The following MPPED1 variants were observed in gnomAD, a reference collection of about 807,000 sequenced individuals.
The protein encoded by MPPED1 is metallophosphoesterase domain containing 1.
In MPPED1, 16 loss-of-function variants were observed where a neutral mutation model predicts 36.2. The ratio of observed to expected loss-of-function variants is 0.44; its 90% CI spans 0.30 to 0.67. The LOEUF (loss-of-function observed/expected upper bound fraction) is 0.67, where lower values mean the gene tolerates loss of function less well. Ranked by LOEUF, MPPED1 falls within the 30% of genes least tolerant of loss-of-function variation. The probability of loss-of-function intolerance (pLI) is 0.10; values close to 1 mark genes in which losing one functional copy is unlikely to be tolerated. For synonymous variants in MPPED1, 199 were observed against 191.3 expected (o/e 1.04, Z -0.33); for missense variants, 307 against 453.4 (o/e 0.68, Z 2.93).
chr22:43,466,911 G>T (rs368013242), intron 3 of MPPED1, among the ~76,000 whole-genome samples: 1 of 152,184 alleles, frequency 6.6e-6, no homozygotes, highest in East Asian at 1.9e-4. Context: ...GCCAGGCATG[G>T]TGGAGCGTGG....
intron 4 of MPPED1, among the ~76,000 whole-genome samples, chr22:43,482,533 T>A (rs1293434373): frequency 1.3e-5 from 2 of 152,184 alleles, no homozygotes; most frequent in East Asian, 1.9e-4. Context: ...GGAATACACA[T>A]CCTGGTACGT....
intron 4 of MPPED1, among the ~76,000 whole-genome samples, chr22:43,481,086 G>A (rs1602001591): frequency 1.3e-5 from 2 of 152,280 alleles, no homozygotes; most frequent in South Asian, 4.1e-4. Context: ...GCCTCCCAGA[G>A]TGCTGGGATT....
At chr22:43,415,912 T>C (rs1929063210) in intron 1 of MPPED1, among the ~76,000 whole-genome samples, 1 of 152,196 alleles carries the variant, frequency 6.6e-6, no homozygotes, top group South Asian at 2.1e-4. Context: ...CCAGGCTAAT[T>C]TCATCACTTC....
At chr22:43,499,837 A>G (rs867245978) in intron 5 of MPPED1, among the ~76,000 whole-genome samples, 52 of 10,012 alleles carry the variant, frequency 5.2e-3, no homozygotes, top group Non-Finnish European at 6.6e-3. Context: ...ATGGTGATGG[A>G]GGTGGTGGTG....
chr22:43,480,764 CT>C (rs1477961788), intron 4 of MPPED1, among the ~76,000 whole-genome samples: 2 of 150,946 alleles, frequency 1.3e-5, no homozygotes, highest in Non-Finnish European at 2.9e-5. Flanking sequence ...CTTTTGGTAC[CT>C]TATTGCAGAG....
intron 4 of MPPED1, among the ~76,000 whole-genome samples, chr22:43,488,829 C>A (rs143674966): frequency 6.6e-6 from 1 of 152,236 alleles, no homozygotes; most frequent in Non-Finnish European, 1.5e-5. Flanking sequence ...AATTCGCATC[C>A]GTCCGCCCTC....
rs1177860910 is a variant in MPPED1, at chr22:43,507,379, C to T, written c.*1763C>T. 1.3e-5 allele frequency: 2 copies of T among 152,188 alleles called. No individual in the cohort carries two copies. The highest frequency in any genetic ancestry group is 6.5e-5 in the Admixed American group (1 of 15,274). The allele number at this position is 152,188 out of a possible 1,614,324, so 9.4% of individuals were successfully genotyped here. ...TCTGCCCACACTGAGCTGGGCTCCT[C>T]GAGGGGTGGGGCTGCTGTCCCTGGA... is the stretch of plus-strand genomic sequence containing the variant. On this transcript the variant is annotated 3_prime_UTR_variant, in exon 7 of 7. Transcript: ENST00000443721.
chr22:43,445,879 C>CTT (rs1930323306), intron 3 of MPPED1, among the ~76,000 whole-genome samples: 5 of 35,454 alleles, frequency 1.4e-4, no homozygotes, highest in East Asian at 7.3e-4. Context: ...CTGGTGTTTA[C>CTT]ATTTTCTTTT....
intron 4 of MPPED1, among the ~76,000 whole-genome samples, chr22:43,495,500 GT>G (rs1932259480): frequency 2.6e-5 from 1 of 37,812 alleles, no homozygotes; most frequent in Non-Finnish European, 4.5e-5. Flanking sequence ...GGTAGTGGTG[GT>G]GGAGGTGGTG....
At chr22:43,450,220 C>A (rs1333844866) in intron 3 of MPPED1, among the ~76,000 whole-genome samples, 1 of 152,186 alleles carries the variant, frequency 6.6e-6, no homozygotes, top group Non-Finnish European at 1.5e-5. Context: ...GTCCGTGGAC[C>A]TGGGCTAGTT....
chr22:43,483,596 C>T (rs962913343), intron 4 of MPPED1, among the ~76,000 whole-genome samples: 3 of 142,182 alleles, frequency 2.1e-5, no homozygotes, highest in Non-Finnish European at 3.2e-5. Context: ...TCTTAAGAAC[C>T]CTTTTAAATC....
chr22:43,449,993 G>A (rs2146852794), intron 3 of MPPED1, among the ~76,000 whole-genome samples: 1 of 152,332 alleles, frequency 6.6e-6, no homozygotes, highest in African/African-American at 2.4e-5. Flanking sequence ...GGCCCAGCCG[G>A]GTGGCGGTGG....
intron 1 of MPPED1, among the ~76,000 whole-genome samples, chr22:43,420,296 A>C (rs1256177756): frequency 1.4e-4 from 21 of 152,060 alleles, no homozygotes; most frequent in Non-Finnish European, 8.8e-5. Flanking sequence ...GAGGCCACTT[A>C]TCCAGGCCGC....
At chr22:43,413,201 A>G (rs1402039338) in intron 1 of MPPED1, among the ~76,000 whole-genome samples, 1 of 152,172 alleles carries the variant, frequency 6.6e-6, no homozygotes, top group Non-Finnish European at 1.5e-5. Flanking sequence ...AGAGCTTGTT[A>G]AGTGGCAAAC....
chr22:43,470,544 T>C (rs373654044), intron 3 of MPPED1, among the ~76,000 whole-genome samples: 46 of 152,324 alleles, frequency 3.0e-4, no homozygotes, highest in African/African-American at 1.1e-3. Flanking sequence ...CATCTATCCA[T>C]GTGTGCATCC....
At chr22:43,432,881 A>AAGAGAAAGGGAGGAGAGAG (rs1929803696) in intron 2 of MPPED1, among the ~76,000 whole-genome samples, 1 of 4,542 alleles carries the variant, frequency 2.2e-4, no homozygotes, top group Non-Finnish European at 6.6e-4. Flanking sequence ...GAGAGAGGGA[A>AAGAGAAAGGGAGGAGAGAG]AGAGAAAGGG....
Position 43,502,512 on chromosome 22 carries a change from G to T in MPPED1, c.749-132G>T. The T allele has an allele frequency of 1.5e-6, 1 of 672,150 alleles. No individual in the cohort carries two copies. Among genetic ancestry groups the T allele is most frequent in the Non-Finnish European group, 2.6e-6 (1 of 386,044 alleles). 41.6% of individuals were successfully genotyped at this position (672,150 alleles called of 1,614,324 possible). A position where few individuals can be genotyped will look rare whatever the true frequency, so the allele number is the denominator to read the frequency against. On this transcript the variant is annotated intron_variant, in intron 5 of 6. Coordinates refer to ENST00000443721, the MANE Select transcript of MPPED1 (RefSeq NM_001044370.2). The surrounding 1 kb of genome is among the most constrained non-coding windows in gnomAD (Gnocchi z 5.5). ...GGCAGGGTTCCGGAGAGCTTGCTAG[G>T]GGAGAGTGGTGCAAAGCCGGAGTCC...
intron 2 of MPPED1, among the ~76,000 whole-genome samples, chr22:43,428,091 G>A (rs1483626003): frequency 6.6e-6 from 1 of 152,228 alleles, no homozygotes; most frequent in Admixed American, 6.5e-5. Flanking sequence ...ACCCCTGCCT[G>A]TGCTGAGCTT....
At chr22:43,476,083 GTGA>G (rs149965982) in intron 4 of MPPED1, among the ~76,000 whole-genome samples, 2 of 149,002 alleles carry the variant, frequency 1.3e-5, no homozygotes, top group African/African-American at 4.9e-5. Context: ...GGGGGTGGTG[GTGA>G]TGATGATGAT....
Sources: allele counts gnomAD v4.1 joint callset (sites outside exome capture counted in the v4.1 genomes callset), GRCh38; gene constraint gnomAD v4.1.1; non-coding constraint Gnocchi (gnomAD v3.1); transcripts MANE v1.5; gene names NCBI Gene and HGNC (gene_info 2026-07-23, HGNC 2026-07-21).